Variants in TG observed in about 807,000 individuals in gnomAD.
TG encodes the protein thyroid hormones.
A neutral mutation model predicts 324.7 loss-of-function variants in TG; 270 were observed. The observed-to-expected ratio is 0.83, with a 90% CI of 0.75 to 0.92. TG has a LOEUF of 0.92. TG is among the 40% of genes least tolerant of loss of function. The pLI is 0.00. For missense variants in TG, 3,591 were observed against 3,456.4 expected, an observed-to-expected ratio of 1.04 and a Z score of -0.98; for synonymous variants, 1,401 against 1,327.0, an observed-to-expected ratio of 1.06 and a Z score of -1.21.
chr8:132,956,639 G>A (rs1826915746), intron 27 of TG, among the ~76,000 whole-genome samples: 1 of 152,188 alleles, frequency 6.6e-6, no homozygotes, highest in Non-Finnish European at 1.5e-5. Flanking sequence ...TGGGCACTTT[G>A]GAGACAGATT....
intron 43 of TG, among the ~76,000 whole-genome samples, chr8:133,108,454 A>C (rs2958679): frequency 0.3 from 45,287 of 152,066 alleles, 7,117 homozygotes; most frequent in African/African-American, 0.38. Flanking sequence ...CTAACAACAA[A>C]GACAATAGAC....
At chr8:132,988,295 T>A (rs1468844146) in intron 35 of TG, among the ~76,000 whole-genome samples, 1 of 152,104 alleles carries the variant, frequency 6.6e-6, no homozygotes, top group African/African-American at 2.4e-5. Flanking sequence ...ATCTGTCAGA[T>A]GGCCAAGAGG....
chr8:133,107,982 CTTTTTTTTTTTT>C (rs377363035), intron 43 of TG, among the ~76,000 whole-genome samples: 5 of 134,122 alleles, frequency 3.7e-5, no homozygotes, highest in Non-Finnish European at 8.0e-5. Flanking sequence ...TTCTTTTCTT[CTTTTTTTTTTTT>C]TTTTTTTGAG....
intron 35 of TG, among the ~76,000 whole-genome samples, chr8:133,000,469 G>A (rs1396980917): frequency 6.6e-6 from 1 of 152,236 alleles, no homozygotes; most frequent in African/African-American, 2.4e-5. Context: ...TTGAGACTTA[G>A]CGTATAATTT....
chr8:132,991,291 A>T (rs1045104396), intron 35 of TG, among the ~76,000 whole-genome samples: 15 of 152,186 alleles, frequency 9.9e-5, no homozygotes, highest in African/African-American at 2.6e-4. Flanking sequence ...CCAGACTGGG[A>T]CGTGTCTGAC....
Position 132,935,791 on chromosome 8 carries a change from C to G in TG, c.4968C>G (p.Ser1656Arg). ...RDALGNSKATSFGSLRCQVKV... is the reference protein window; with the variant it reads ...RDALGNSKATRFGSLRCQVKV... ...CACTGGGGAACTCAAAGGCCACCAG[C>G]TTTGGAAGTCTTCGCTGCCAGGTGA... The change falls in exon 25 of 48, where the codon AGC becomes AGG. Residue 1656 changes from serine (S) to arginine (R), a missense_variant. Ser to Arg is a moderately radical substitution (Grantham distance 110). Transcript: ENST00000220616. The G allele has an allele frequency of 6.2e-7, 1 of 1,612,990 alleles. No homozygotes were observed. The highest frequency in any genetic ancestry group is 8.5e-7 in the Non-Finnish European group (1 of 1,180,016).
At chr8:132,968,520 T>C (rs563591539) in intron 31 of TG, among the ~76,000 whole-genome samples, 13 of 152,258 alleles carry the variant, frequency 8.5e-5, no homozygotes, top group African/African-American at 2.9e-4. Context: ...CCCCATACAG[T>C]CTGTTTTCTC....
intron 5 of TG, 119 bp from the exon 6 acceptor site, chr8:132,881,744 G>A (rs1814669854): frequency 3.9e-6 from 3 of 760,096 alleles, no homozygotes; most frequent in East Asian, 5.0e-5. Context: ...ACTGTCATGT[G>A]ATAAGAAAGT....
Position 133,038,654 on chromosome 8 carries a change from G to A in TG, c.7239+8631G>A. On this transcript the variant is annotated intron_variant, in intron 41 of 47. Coordinates refer to ENST00000220616, the MANE Select transcript of TG (RefSeq NM_003235.5). ...CTCACTGGTCAGGGACAGGTAAGAGGCAATGCTCTCTCGAAGGCCATAGCT... is the reference window on the plus strand; with the variant it reads ...CTCACTGGTCAGGGACAGGTAAGAGACAATGCTCTCTCGAAGGCCATAGCT... 3 of 1,613,630 alleles carry A rather than the reference G, an allele frequency of 1.9e-6. No individual in the cohort carries two copies. Among genetic ancestry groups the A allele is most frequent in the Non-Finnish European group, 2.5e-6 (3 of 1,179,602 alleles).
At chr8:132,867,150 G>T in intron 1 of TG, 83 bp downstream of exon 1, 1 of 1,243,044 alleles carries the variant, frequency 8.0e-7, no homozygotes, top group Middle Eastern at 1.9e-4. Context: ...TCGAACAGGT[G>T]CGATCTAATT....
At chr8:133,035,978 TG>T (rs1837078888) in intron 41 of TG, among the ~76,000 whole-genome samples, 1 of 152,164 alleles carries the variant, frequency 6.6e-6, no homozygotes, top group African/African-American at 2.4e-5. Context: ...AGGACCTTCC[TG>T]ATACCTCCTA....
intron 34 of TG, among the ~76,000 whole-genome samples, chr8:132,979,588 T>C: frequency 6.6e-6 from 1 of 152,218 alleles, no homozygotes; most frequent in East Asian, 1.9e-4. Context: ...CTGCTGGCAC[T>C]AGGCTAGCAT....
chr8:132,889,792 T>G (rs1032592119), intron 10 of TG, among the ~76,000 whole-genome samples: 32 of 152,230 alleles, frequency 2.1e-4, no homozygotes, highest in African/African-American at 7.7e-4. Flanking sequence ...TTATTTTATT[T>G]TGAGACTGAG....
chr8:132,923,015 G>A (rs1018658790), intron 21 of TG, among the ~76,000 whole-genome samples: 3 of 152,166 alleles, frequency 2.0e-5, no homozygotes, highest in African/African-American at 7.2e-5. Flanking sequence ...AAAGACTGGG[G>A]GAGCTGTGGG....
At chr8:132,999,424 C>T (rs956060858) in intron 35 of TG, among the ~76,000 whole-genome samples, 6 of 152,176 alleles carry the variant, frequency 3.9e-5, no homozygotes, top group African/African-American at 7.2e-5. Context: ...CAATATTTTG[C>T]CTTCCAGATG....
chr8:133,120,040 G>C (rs1012546354), intron 45 of TG, among the ~76,000 whole-genome samples: 13 of 152,142 alleles, frequency 8.5e-5, no homozygotes, highest in Admixed American at 3.9e-4. Flanking sequence ...GCCACCCATG[G>C]CAAGGGAGGC....
intron 28 of TG, 74 bp from the exon 29 acceptor site, chr8:132,962,920 A>T: frequency 1.4e-6 from 2 of 1,380,866 alleles, no homozygotes; most frequent in Non-Finnish European, 2.1e-6. Context: ...TCACATTGCT[A>T]CTACCATTTT....
At chr8:133,006,071 C>A (rs1009879274) in intron 35 of TG, among the ~76,000 whole-genome samples, 2 of 152,202 alleles carry the variant, frequency 1.3e-5, no homozygotes, top group Non-Finnish European at 2.9e-5. Context: ...CATGTGTCAT[C>A]TACAGAGAGA....
chr8:133,099,599 C>A (rs1848946747), intron 43 of TG, among the ~76,000 whole-genome samples: 1 of 152,190 alleles, frequency 6.6e-6, no homozygotes, highest in African/African-American at 2.4e-5. Context: ...ATAACACACC[C>A]AAAGTGGACT....
Sources: allele counts gnomAD v4.1 joint callset (sites outside exome capture counted in the v4.1 genomes callset), GRCh38; gene constraint gnomAD v4.1.1; transcripts MANE v1.5; gene names NCBI Gene and HGNC (gene_info 2026-07-23, HGNC 2026-07-21).